COL15A1: variants seen among roughly 807,000 people sequenced by gnomAD.
COL15A1 encodes the protein collagen type XV alpha 1 chain.
COL15A1 carries 111 observed loss-of-function variants against 165.9 expected under a neutral mutation model. That is an observed-to-expected ratio of 0.67 (90% CI 0.57 to 0.78). The LOEUF is 0.78. Among genes scored for constraint, COL15A1 ranks in the 30% least tolerant of loss-of-function variants. The probability of loss-of-function intolerance (pLI) is 0.00; values close to 1 mark genes in which losing one functional copy is unlikely to be tolerated. For synonymous variants in COL15A1, 659 were observed against 674.8 expected, an observed-to-expected ratio of 0.98 and a Z score of 0.36; for missense variants, 1,745 against 1,789.7, an observed-to-expected ratio of 0.98 and a Z score of 0.45.
At chr9:98,962,992 C>T (rs1013354434) in intron 2 of COL15A1, among the ~76,000 whole-genome samples, 2 of 152,232 alleles carry the variant, frequency 1.3e-5, no homozygotes, top group African/African-American at 2.4e-5. Flanking sequence ...GAGAAGCTTT[C>T]ATTTCTCCAT....
chr9:98,977,157 C>T (rs1267496159), intron 2 of COL15A1, among the ~76,000 whole-genome samples: 1 of 152,316 alleles, frequency 6.6e-6, no homozygotes, highest in South Asian at 2.1e-4. Context: ...ATTTAAGTCA[C>T]ACAACTGTCC....
Position 98,948,305 on chromosome 9 carries a change from G to T in COL15A1, c.100+4055G>T, listed in dbSNP as rs1837617610. 2.0e-5 allele frequency among the ~76,000 whole-genome samples: 3 copies of T among 152,142 alleles called. No homozygotes were observed. In the South Asian group the frequency reaches 6.2e-4, roughly 32 times the overall value. On this transcript the variant is annotated intron_variant, in intron 2 of 41. Transcript: ENST00000375001. ...ATCCTTCTACACCATCCTGTTTAAA[G>T]ACACACTTGTCGGCCGGGCGCGGTG... is the stretch of plus-strand genomic sequence containing the variant.
chr9:98,950,550 CCCTTCCTTCCTTCCTT>C (rs60753911), intron 2 of COL15A1, among the ~76,000 whole-genome samples: 4 of 66,924 alleles, frequency 6.0e-5, no homozygotes, highest in Admixed American at 1.7e-4. Flanking sequence ...CCTTCCCTTC[CCCTTCCTTCCTTCCTT>C]CCTTCCTTCC....
intron 8 of COL15A1, among the ~76,000 whole-genome samples, chr9:99,004,555 G>A (rs1838723157): frequency 6.6e-6 from 1 of 152,182 alleles, no homozygotes; most frequent in African/African-American, 2.4e-5. Flanking sequence ...TGAGGACCTA[G>A]ACTTTTGTTT....
intron 2 of COL15A1, among the ~76,000 whole-genome samples, chr9:98,949,114 G>C (rs1467573155): frequency 6.6e-6 from 1 of 152,052 alleles, no homozygotes; most frequent in Non-Finnish European, 1.5e-5. Flanking sequence ...CTGAAGTTCT[G>C]TTTTACTCGA....
At chr9:98,970,043 T>A (rs1340217078) in intron 2 of COL15A1, among the ~76,000 whole-genome samples, 9 of 139,536 alleles carry the variant, frequency 6.4e-5, no homozygotes, top group African/African-American at 1.8e-4. Context: ...ATTAGTAGTT[T>A]AAAAAAAAAA....
chr9:98,979,119 A>G (rs1838189698), intron 2 of COL15A1, among the ~76,000 whole-genome samples: 1 of 152,174 alleles, frequency 6.6e-6, no homozygotes, highest in African/African-American at 2.4e-5. Flanking sequence ...TATTATATTA[A>G]TCATTCCCAA....
At chr9:99,037,164 G>A (rs960024223) in intron 21 of COL15A1, among the ~76,000 whole-genome samples, 9 of 152,186 alleles carry the variant, frequency 5.9e-5, no homozygotes, top group African/African-American at 1.9e-4. Flanking sequence ...TCCTCAACAA[G>A]GAAGGCAGTA....
At chr9:98,995,453 C>T (rs1189066465) in intron 5 of COL15A1, among the ~76,000 whole-genome samples, 1 of 152,228 alleles carries the variant, frequency 6.6e-6, no homozygotes, top group Non-Finnish European at 1.5e-5. Flanking sequence ...CCCGATGCTC[C>T]CCAGTGGCTG....
chr9:98,964,938 G>C (rs994485601), intron 2 of COL15A1, among the ~76,000 whole-genome samples: 1 of 152,152 alleles, frequency 6.6e-6, no homozygotes, highest in Non-Finnish European at 1.5e-5. Flanking sequence ...TTCTGACTGC[G>C]CTGCTTGTCT....
intron 21 of COL15A1, among the ~76,000 whole-genome samples, chr9:99,036,737 G>A (rs1281591345): frequency 6.6e-6 from 1 of 152,248 alleles, no homozygotes; most frequent in African/African-American, 2.4e-5. Flanking sequence ...TAAAGCCAAA[G>A]ATGAGGAGGT....
At chr9:98,992,632 G>A (rs896274602) in intron 5 of COL15A1, among the ~76,000 whole-genome samples, 5 of 152,260 alleles carry the variant, frequency 3.3e-5, no homozygotes, top group East Asian at 3.8e-4. Flanking sequence ...GAGGGCGAGC[G>A]AGGGCCGCCA....
intron 16 of COL15A1, 140 bp downstream of exon 16, chr9:99,026,106 AT>A: frequency 1.3e-6 from 1 of 751,220 alleles, no homozygotes; most frequent in Non-Finnish European, 2.1e-6. Context: ...CTTCTGCTGG[AT>A]GTCTCCATCA....
intron 2 of COL15A1, among the ~76,000 whole-genome samples, chr9:98,957,198 C>T (rs1328926244): frequency 6.6e-6 from 1 of 152,206 alleles, no homozygotes; most frequent in Non-Finnish European, 1.5e-5. Context: ...CAGAGGAAAT[C>T]AGAGTGGTGT....
In COL15A1 at chr9:99,052,382, T is replaced by G; in HGVS notation, c.2905-6T>G. 1.9e-6 allele frequency: 3 copies of G among 1,610,370 alleles called. No individual in the cohort carries two copies. Among genetic ancestry groups the G allele is most frequent in the Non-Finnish European group, 2.5e-6 (3 of 1,176,538 alleles). ...AGTGCCTAACCTGGCCTTCCTCTCTTTCCAGGTTGATACTGCTCATCCTGG... is the reference window on the plus strand; with the variant it reads ...AGTGCCTAACCTGGCCTTCCTCTCTGTCCAGGTTGATACTGCTCATCCTGG... On this transcript the variant is annotated splice_polypyrimidine_tract_variant and splice_region_variant and intron_variant, in intron 30 of 41. Transcript: ENST00000375001.
chr9:98,996,880 C>A, intron 5 of COL15A1, 54 bp from the exon 6 acceptor site: 2 of 1,601,466 alleles, frequency 1.2e-6, no homozygotes, highest in Non-Finnish European at 1.7e-6. Flanking sequence ...TCTGTCATTT[C>A]TTCTGCTTTA....
At position 99,049,723 on chromosome 9, in the gene COL15A1, C is replaced by G. The variant is rs138584256; in HGVS notation, c.2827C>G (p.Pro943Ala). The stretch of plus-strand genomic sequence containing the variant: ...TGGCTTACCTGGCCCTCCAGGCCCC[C>G]CTGGGCCACCTGGAGCTGTGATTAA... ...PPGLPGPPGPPGPPGAVINIK... is the reference protein window; with the variant it reads ...PPGLPGPPGPAGPPGAVINIK... The change falls in exon 29 of 42, where the codon CCT (proline) becomes GCT (alanine). Residue 943 changes from proline (P) to alanine (A), a missense_variant. Transcript: ENST00000375001. 1.1e-5 allele frequency: 17 copies of G among 1,614,026 alleles called. No homozygotes were observed. In the East Asian group the frequency reaches 3.3e-4, roughly 32 times the overall value.
At chr9:99,057,558 C>T (rs188076865) in intron 35 of COL15A1, among the ~76,000 whole-genome samples, 116 of 152,216 alleles carry the variant, frequency 7.6e-4, no homozygotes, top group African/African-American at 2.7e-3. Context: ...AACCTCACAA[C>T]AACACTTTAA....
rs774290848 is a variant in COL15A1 at position 99,038,705 on chromosome 9, C to T, written c.2447C>T (p.Ser816Leu). 5.6e-6 allele frequency: 9 copies of T among 1,611,110 alleles called. No homozygotes were observed. Among genetic ancestry groups the T allele is most frequent in the South Asian group, 1.1e-5 (1 of 90,990 alleles). Residue 816 changes from serine to leucine, a missense_variant, in exon 22 of 42, where the codon TCG (serine) becomes TTG (leucine). Ser to Leu is a moderately radical substitution (Grantham distance 145). Coordinates refer to ENST00000375001, the MANE Select transcript of COL15A1 (RefSeq NM_001855.5). ...INITHGFMNF[S>L]DIPELVGPPG... ...ATCACCCATGGATTCATGAATTTCT[C>T]GGACATTCCTGAGCTGGTGGGGCCT...
Sources: gnomAD v4.1 joint callset for allele counts (sites outside exome capture counted in the v4.1 genomes callset) on GRCh38, gnomAD v4.1.1 for gene constraint, MANE v1.5 for transcripts, NCBI Gene and HGNC (gene_info 2026-07-23, HGNC 2026-07-21) for gene names.